LARP1B: variants seen among roughly 807,000 people sequenced by gnomAD.
The protein encoded by LARP1B is la-related protein 1B.
LARP1B carries 76 observed loss-of-function variants against 114.2 expected under a neutral mutation model. The ratio of observed to expected loss-of-function variants is 0.67; its 90% CI spans 0.55 to 0.81. The LOEUF is 0.81. LARP1B is among the 30% of genes least tolerant of loss of function. The pLI, the probability that LARP1B is intolerant of heterozygous loss-of-function variation, is 0.00. For missense variants in LARP1B, 1,014 were observed against 1,075.8 expected (o/e 0.94, Z 0.80); for synonymous variants, 345 against 348.0 (o/e 0.99, Z 0.10).
intron 15 of LARP1B, among the ~76,000 whole-genome samples, chr4:128,190,609 G>A (rs1391422452): frequency 6.6e-6 from 1 of 152,116 alleles, no homozygotes; most frequent in African/African-American, 2.4e-5. Context: ...GGTTTTATAA[G>A]TGTTTGACGG....
At chr4:128,116,759 T>C (rs1785979591) in intron 10 of LARP1B, among the ~76,000 whole-genome samples, 1 of 152,194 alleles carries the variant, frequency 6.6e-6, no homozygotes, top group Non-Finnish European at 1.5e-5. Flanking sequence ...AAAAGTGATC[T>C]TTTAAAAACA....
rs779304425 is a variant in LARP1B at position 128,091,440 on chromosome 4, A to G, written c.596A>G (p.Tyr199Cys). 7 of 1,611,498 alleles carry G rather than the reference A, an allele frequency of 4.3e-6. No individual in the cohort carries two copies. Among genetic ancestry groups the G allele is most frequent in the South Asian group, 3.3e-5 (3 of 91,006 alleles). ...CTTAATACCAGTATGATGTATTACT[A>G]TGATGATGGTACAGGTGTACAGGTG... is the stretch of plus-strand genomic sequence containing the variant. ...TELNTSMMYY[Y>C]DDGTGVQVYP... The change falls in exon 7 of 20, where the codon TAT becomes TGT. Residue 199 changes from tyrosine to cysteine, a missense_variant. Tyr to Cys is a radical substitution (Grantham distance 194, BLOSUM62 -2). Transcript: ENST00000326639.
At chr4:128,155,748 C>G in intron 11 of LARP1B, 5 of 1,608,102 alleles carry the variant, frequency 3.1e-6, no homozygotes, top group Non-Finnish European at 4.2e-6. Flanking sequence ...TGGCTGCGGC[C>G]AAGTGTAGGA....
chr4:128,190,544 G>T (rs760482487), intron 15 of LARP1B, among the ~76,000 whole-genome samples: 3 of 152,110 alleles, frequency 2.0e-5, no homozygotes, highest in Non-Finnish European at 4.4e-5. Flanking sequence ...GGATCATGGG[G>T]GCACTTATCC....
intron 15 of LARP1B, among the ~76,000 whole-genome samples, chr4:128,187,145 C>T (rs1472593510): frequency 1.3e-5 from 2 of 152,228 alleles, no homozygotes; most frequent in Admixed American, 6.5e-5. Flanking sequence ...CATACAGACT[C>T]CCCACTGGGG....
chr4:128,152,135 C>CTAA (rs1733072667), intron 11 of LARP1B, among the ~76,000 whole-genome samples: 1 of 150,720 alleles, frequency 6.6e-6, no homozygotes, highest in Admixed American at 6.6e-5. Flanking sequence ...CCCCAACAGT[C>CTAA]TTTATTCAGT....
chr4:128,074,031 C>T (rs1156764086), intron 1 of LARP1B, among the ~76,000 whole-genome samples: 3 of 151,910 alleles, frequency 2.0e-5, no homozygotes, highest in Non-Finnish European at 4.4e-5. Flanking sequence ...TCCTCTGCCT[C>T]CCAGGTTCAA....
intron 12 of LARP1B, among the ~76,000 whole-genome samples, chr4:128,168,157 A>C (rs1317608016): frequency 6.6e-6 from 1 of 152,104 alleles, no homozygotes; most frequent in African/African-American, 2.4e-5. Flanking sequence ...ATCATACAGT[A>C]AGTATAACTT....
In LARP1B at chr4:128,122,459, GTTTT is replaced by G. The variant is rs758240640; in HGVS notation, c.1524+277_1524+280del. On this transcript the variant is annotated intron_variant, in intron 11 of 19. Coordinates refer to ENST00000326639, the MANE Select transcript of LARP1B (RefSeq NM_018078.4). ...CCTTGTTTTTTTTTTTTTTTGTTTT[GTTTT>G]TTTTTGTTTTTGTTTTAGGTGACAA... The G allele has an allele frequency of 1.5e-4, 225 of 1,466,946 alleles. No individual in the cohort carries two copies. In the African/African-American group the frequency reaches 3.3e-3, roughly 22 times the overall value. 90.9% of individuals were successfully genotyped at this position (1,466,946 alleles called of 1,614,324 possible).
chr4:128,113,437 A>T (rs1343605220), intron 9 of LARP1B, among the ~76,000 whole-genome samples: 2 of 145,074 alleles, frequency 1.4e-5, no homozygotes, highest in East Asian at 4.1e-4. Flanking sequence ...TGCCTTGCGG[A>T]TTCAAGCAAT....
At chr4:128,140,824 G>GTTGTTTTTTTTTT (rs55639320) in intron 11 of LARP1B, among the ~76,000 whole-genome samples, 192 of 138,486 alleles carry the variant, frequency 1.4e-3, no homozygotes, top group Middle Eastern at 4.1e-3. Flanking sequence ...AATTGTCTCT[G>GTTGTTTTTTTTTT]TTTTTTTTTT....
At chr4:128,155,693 C>G in intron 11 of LARP1B, 2 of 1,606,254 alleles carry the variant, frequency 1.2e-6, no homozygotes, top group Admixed American at 1.7e-5. Context: ...CAGATCAGCC[C>G]GGAGGAAGAG....
At chr4:128,179,348 T>C (rs1408408559) in intron 14 of LARP1B, 58 bp from the exon 15 acceptor site, 1 of 1,042,606 alleles carries the variant, frequency 9.6e-7, no homozygotes, top group Non-Finnish European at 1.4e-6. Context: ...GGTTTTAATT[T>C]ACTTGTGAAG....
chr4:128,160,258 G>A (rs1207052166), intron 11 of LARP1B, among the ~76,000 whole-genome samples: 2 of 152,192 alleles, frequency 1.3e-5, no homozygotes, highest in Non-Finnish European at 1.5e-5. Context: ...TTACATGCAC[G>A]TACATGGATC....
chr4:128,171,682 G>A (rs1201540331), intron 12 of LARP1B, among the ~76,000 whole-genome samples: 2 of 152,102 alleles, frequency 1.3e-5, no homozygotes, highest in African/African-American at 4.8e-5. Flanking sequence ...TTCTTTTAGA[G>A]CAGTTCAGTT....
intron 11 of LARP1B, among the ~76,000 whole-genome samples, chr4:128,128,859 C>G: frequency 6.6e-6 from 1 of 152,036 alleles, no homozygotes; most frequent in Non-Finnish European, 1.5e-5. Context: ...AGGATTACTA[C>G]AAAACCCTGA....
At chr4:128,193,234 CACACATAT>C (rs1752861060) in intron 15 of LARP1B, among the ~76,000 whole-genome samples, 1 of 152,172 alleles carries the variant, frequency 6.6e-6, no homozygotes, top group African/African-American at 2.4e-5. Context: ...TACACACATA[CACACATAT>C]AGTTTGAGTA....
chr4:128,159,460 T>C (rs191886882), intron 11 of LARP1B, among the ~76,000 whole-genome samples: 2 of 152,292 alleles, frequency 1.3e-5, no homozygotes, highest in East Asian at 1.9e-4. Context: ...ATTTTGAGAA[T>C]GTTACATGAT....
At chr4:128,174,567 T>C (rs761987297) in intron 12 of LARP1B, among the ~76,000 whole-genome samples, 8 of 152,088 alleles carry the variant, frequency 5.3e-5, no homozygotes, top group Non-Finnish European at 8.8e-5. Flanking sequence ...ATAAAATAAG[T>C]ATAAAACAAA....
Sources: gnomAD v4.1 joint callset for allele counts (sites outside exome capture counted in the v4.1 genomes callset) on GRCh38, gnomAD v4.1.1 for gene constraint, MANE v1.5 for transcripts, NCBI Gene and HGNC (gene_info 2026-07-23, HGNC 2026-07-21) for gene names.